Variants in SRRM3 observed in about 807,000 individuals in gnomAD.
SRRM3 encodes serine/arginine repetitive matrix 3, also known as serine/arginine repetitive matrix protein 3.
In SRRM3, 27 loss-of-function variants were observed where a neutral mutation model predicts 66.2. The ratio of observed to expected loss-of-function variants is 0.41; its 90% CI spans 0.30 to 0.56. The LOEUF is 0.56. Among genes scored for constraint, SRRM3 ranks in the 20% least tolerant of loss-of-function variants. The pLI is 0.32. For synonymous variants in SRRM3, 391 were observed against 414.9 expected (o/e 0.94, Z 0.70); for missense variants, 918 against 991.9 (o/e 0.93, Z 1.00).
chr7:76,260,932 AGG>A, intron 6 of SRRM3, 29 bp downstream of exon 6: 1 of 1,553,868 alleles, frequency 6.4e-7, no homozygotes, highest in East Asian at 2.4e-5. Flanking sequence ...GGCTGGGGCC[AGG>A]GCGGGGGATG....
chr7:76,239,855 C>A (rs886325553), intron 2 of SRRM3, among the ~76,000 whole-genome samples: 2 of 151,876 alleles, frequency 1.3e-5, no homozygotes, highest in Admixed American at 6.6e-5. Flanking sequence ...CATAGGGAGA[C>A]CCTGTCTGTA....
At chr7:76,240,886 C>T (rs565192876) in intron 2 of SRRM3, among the ~76,000 whole-genome samples, 32 of 151,728 alleles carry the variant, frequency 2.1e-4, no homozygotes, top group African/African-American at 7.0e-4. Flanking sequence ...AAGCCCTTGA[C>T]GTTGTTTTTT....
intron 11 of SRRM3, among the ~76,000 whole-genome samples, chr7:76,273,908 A>AC (rs1802272416): frequency 6.6e-6 from 1 of 151,378 alleles, no homozygotes. Flanking sequence ...CCTGACTTCC[A>AC]CCCCTAAATC....
chr7:76,221,054 G>C (rs1289019259), intron 1 of SRRM3, among the ~76,000 whole-genome samples: 1 of 148,242 alleles, frequency 6.7e-6, no homozygotes, highest in Non-Finnish European at 1.5e-5. Context: ...CTTCTTACCC[G>C]TCTTTTTTTT....
chr7:76,222,777 A>G (rs1800759058), intron 1 of SRRM3, among the ~76,000 whole-genome samples: 1 of 151,792 alleles, frequency 6.6e-6, no homozygotes, highest in African/African-American at 2.4e-5. Flanking sequence ...ACCCGCCACC[A>G]TGCCTGGCTA....
chr7:76,260,081 C>T lies in SRRM3; in HGVS notation c.465-36C>T, dbSNP rs1187747310. 3 of 1,421,094 alleles carry T rather than the reference C, an allele frequency of 2.1e-6. No individual in the cohort carries two copies. In the African/African-American group the frequency reaches 4.6e-5, roughly 22 times the overall value. The allele number at this position is 1,421,094 out of a possible 1,614,324, so 88.0% of individuals were successfully genotyped here. A position where few individuals can be genotyped will look rare whatever the true frequency, so the allele number is the denominator to read the frequency against. Reference sequence around the variant, plus strand: ...GGTGGGGGGCGCGCGGGGCTGCCCCCCCTCACCGCCCCCACCCCCGCCCCT... The same window carrying T: ...GGTGGGGGGCGCGCGGGGCTGCCCCTCCTCACCGCCCCCACCCCCGCCCCT... On this transcript the variant is annotated intron_variant, in intron 4 of 14. Transcript: ENST00000611745.
At chr7:76,282,329 C>T (rs147323861) in intron 12 of SRRM3, among the ~76,000 whole-genome samples, 1 of 135,416 alleles carries the variant, frequency 7.4e-6, no homozygotes, top group African/African-American at 2.8e-5. Flanking sequence ...CACAACTGAT[C>T]CGTCTCCCCT....
At chr7:76,274,451 G>T in intron 11 of SRRM3, among the ~76,000 whole-genome samples, 1 of 152,206 alleles carries the variant, frequency 6.6e-6, no homozygotes, top group East Asian at 1.9e-4. Context: ...GACCTAGAAG[G>T]CCTACTTAGC....
At chr7:76,250,670 C>T (rs1009055853) in intron 3 of SRRM3, among the ~76,000 whole-genome samples, 2 of 152,182 alleles carry the variant, frequency 1.3e-5, no homozygotes, top group East Asian at 3.8e-4. Flanking sequence ...ACTTAATCCT[C>T]ATCTCTCTGG....
In SRRM3 at chr7:76,281,563, C is replaced by T; in HGVS notation, c.1131C>T (p.Gly377=). The T allele has an allele frequency of 2.9e-6, 3 of 1,037,274 alleles. No individual in the cohort carries two copies. Among genetic ancestry groups the T allele is most frequent in the Non-Finnish European group, 3.5e-6 (3 of 864,678 alleles). 64.3% of individuals were successfully genotyped at this position (1,037,274 alleles called of 1,614,324 possible). A position where few individuals can be genotyped will look rare whatever the true frequency, so the allele number is the denominator to read the frequency against. ...CGCCGTCGTCCCAAGGTCGCGGAGGCCGCGCGGCGGGCGGGGCGGGCAGGC... is the reference window on the plus strand; with the variant it reads ...CGCCGTCGTCCCAAGGTCGCGGAGGTCGCGCGGCGGGCGGGGCGGGCAGGC... ...RSAPSSQGRG[G]RAAGGAGRRR... The change falls in exon 12 of 15, where the codon GGC becomes GGT. Residue 377 remains glycine, a synonymous_variant. Coordinates refer to ENST00000611745, the MANE Select transcript of SRRM3 (RefSeq NM_001110199.3).
chr7:76,283,530 C>A, intron 14 of SRRM3: 1 of 458,320 alleles, frequency 2.2e-6, no homozygotes, highest in Non-Finnish European at 4.4e-6. Flanking sequence ...CAAGGTCCAG[C>A]CTGCTGAGTG....
At chr7:76,260,991 C>T in intron 6 of SRRM3, 88 bp downstream of exon 6, 1 of 1,425,728 alleles carries the variant, frequency 7.0e-7, no homozygotes, top group Non-Finnish European at 9.6e-7. Flanking sequence ...AGGCCGGAGG[C>T]CTGGACCCTC....
intron 1 of SRRM3, among the ~76,000 whole-genome samples, chr7:76,222,410 CAA>C (rs572163883): frequency 0.014 from 1,181 of 84,346 alleles, 11 homozygotes; most frequent in African/African-American, 0.041. Flanking sequence ...GACCCCGTCT[CAA>C]AAAAAAAAAA....
intron 11 of SRRM3, 38 bp from the exon 12 acceptor site, chr7:76,281,403 T>C (rs1583945153): frequency 8.4e-7 from 1 of 1,183,772 alleles, no homozygotes; most frequent in Non-Finnish European, 1.1e-6. Context: ...CGTCTCCCTC[T>C]CCCCCCTCCG....
At position 76,258,200 on chromosome 7, in the gene SRRM3, A is replaced by AG. The variant is rs782111906; in HGVS notation, c.336-1699dup. Among the ~76,000 whole-genome samples, 10 of 152,184 alleles carry AG rather than the reference A, an allele frequency of 6.6e-5. No individual in the cohort carries two copies. In the East Asian group the frequency reaches 7.7e-4, roughly 12 times the overall value. ...CACAGTCCTGCTGCCAGAGATGAGCAGGGGGGGCCCCTGGAGGCTGCAGAG... is the reference window on the plus strand; with the variant it reads ...CACAGTCCTGCTGCCAGAGATGAGCAGGGGGGGGCCCCTGGAGGCTGCAGAG... On this transcript the variant is annotated intron_variant, in intron 3 of 14. Coordinates refer to ENST00000611745, the MANE Select transcript of SRRM3 (RefSeq NM_001110199.3).
At chr7:76,275,511 A>G (rs1319557174) in intron 11 of SRRM3, among the ~76,000 whole-genome samples, 1 of 151,864 alleles carries the variant, frequency 6.6e-6, no homozygotes, top group African/African-American at 2.4e-5. Context: ...AAAAAAAAAA[A>G]AAAAAAGAAA....
At chr7:76,236,886 C>T (rs1463095047) in intron 2 of SRRM3, among the ~76,000 whole-genome samples, 2 of 152,076 alleles carry the variant, frequency 1.3e-5, no homozygotes, top group South Asian at 2.1e-4. Flanking sequence ...GGAATGAGAT[C>T]TCAAGGGGCA....
At chr7:76,273,928 G>T (rs782356574) in intron 11 of SRRM3, among the ~76,000 whole-genome samples, 2 of 151,612 alleles carry the variant, frequency 1.3e-5, no homozygotes, top group Non-Finnish European at 2.9e-5. Flanking sequence ...CCTCCTTCAC[G>T]CCTTCTTTCT....
intron 1 of SRRM3, among the ~76,000 whole-genome samples, chr7:76,220,267 G>A (rs1423309485): frequency 6.6e-6 from 1 of 152,138 alleles, no homozygotes; most frequent in African/African-American, 2.4e-5. Context: ...GTAGCCACAG[G>A]GTGACAGCAG....
Sources: gnomAD v4.1 joint callset for allele counts (sites outside exome capture counted in the v4.1 genomes callset) on GRCh38, gnomAD v4.1.1 for gene constraint, MANE v1.5 for transcripts, NCBI Gene and HGNC (gene_info 2026-07-23, HGNC 2026-07-21) for gene names.